The following PCNX2 variants were observed in gnomAD, a reference collection of about 807,000 sequenced individuals.
PCNX2 encodes pecanex-like protein 2.
Under a neutral mutation model 223.8 loss-of-function variants are expected in PCNX2, and 168 were observed. The ratio of observed to expected loss-of-function variants is 0.75; its 90% CI spans 0.66 to 0.85. The LOEUF (loss-of-function observed/expected upper bound fraction) is 0.85, where lower values mean the gene tolerates loss of function less well. Among genes scored for constraint, PCNX2 ranks in the 40% least tolerant of loss-of-function variants. The probability of loss-of-function intolerance (pLI) is 0.00; values close to 1 mark genes in which losing one functional copy is unlikely to be tolerated. For missense variants in PCNX2, 2,507 were observed against 2,675.5 expected, an observed-to-expected ratio of 0.94 and a Z score of 1.39; for synonymous variants, 1,006 against 1,052.6, an observed-to-expected ratio of 0.96 and a Z score of 0.86.
chr1:233,165,989 AT>A (rs1678770308), intron 17 of PCNX2, among the ~76,000 whole-genome samples: 1 of 152,114 alleles, frequency 6.6e-6, no homozygotes, highest in African/African-American at 2.4e-5. Context: ...TAACTATGGT[AT>A]TGATGGTATT....
rs1679141786 is a variant in PCNX2, at chr1:233,171,328, T to C, written c.3273+6474A>G. Among the ~76,000 whole-genome samples, 3 of 152,064 alleles carry C rather than the reference T, an allele frequency of 2.0e-5. No individual in the cohort carries two copies. The South Asian group carries it at 6.2e-4, about 32-fold the overall frequency. On this transcript the variant is annotated intron_variant, in intron 17 of 33. Coordinates refer to ENST00000258229, the MANE Select transcript of PCNX2 (RefSeq NM_014801.4). ...TTAAATCTTTTTTTTTCTCCTCAAA[T>C]TACTTTTAACACAAGGTCACTTTCT...
At chr1:233,159,049 T>C (rs543098438) in intron 19 of PCNX2, among the ~76,000 whole-genome samples, 1 of 152,338 alleles carries the variant, frequency 6.6e-6, no homozygotes, top group Admixed American at 6.5e-5. Flanking sequence ...CACGGAATTG[T>C]ACAGAACGTT....
At chr1:233,231,211 C>T (rs1658039952) in intron 9 of PCNX2, among the ~76,000 whole-genome samples, 2 of 152,036 alleles carry the variant, frequency 1.3e-5, no homozygotes, top group South Asian at 4.1e-4. Context: ...ACACATCAAG[C>T]AGTGCTCATC....
chr1:233,217,100 T>C (rs1041667403), intron 12 of PCNX2, among the ~76,000 whole-genome samples: 1 of 152,036 alleles, frequency 6.6e-6, no homozygotes, highest in East Asian at 1.9e-4. Context: ...GGGTACAAAG[T>C]TTCAGCTGGA....
chr1:233,073,680 A>G (rs945530749), intron 23 of PCNX2, among the ~76,000 whole-genome samples: 75 of 152,046 alleles, frequency 4.9e-4, no homozygotes, highest in African/African-American at 1.7e-3. Context: ...TGGTGTGATC[A>G]TAGCTCACTG....
intron 23 of PCNX2, among the ~76,000 whole-genome samples, chr1:233,066,260 T>G (rs1364040008): frequency 6.6e-6 from 1 of 152,214 alleles, no homozygotes; most frequent in Non-Finnish European, 1.5e-5. Context: ...GTCACACATC[T>G]CTGACCAGCT....
intron 13 of PCNX2, 119 bp from the exon 14 acceptor site, chr1:233,200,383 C>CTTTTTTT (rs1011802481): frequency 5.3e-4 from 111 of 210,936 alleles, no homozygotes; most frequent in South Asian, 1.4e-3. Context: ...TGGAGGCAAT[C>CTTTTTTT]TTTTTTTTTT....
chr1:232,996,644 C>T (rs1334604847), intron 32 of PCNX2, among the ~76,000 whole-genome samples: 1 of 152,140 alleles, frequency 6.6e-6, no homozygotes, highest in Non-Finnish European at 1.5e-5. Context: ...CCCTATCTAC[C>T]TATCTAGCAT....
At chr1:233,146,140 C>T (rs1302685130) in intron 19 of PCNX2, among the ~76,000 whole-genome samples, 1 of 152,202 alleles carries the variant, frequency 6.6e-6, no homozygotes, top group Non-Finnish European at 1.5e-5. Context: ...TATTCCTTCA[C>T]GCCATCACTG....
At chr1:233,114,265 A>C (rs1311961975) in intron 21 of PCNX2, among the ~76,000 whole-genome samples, 2 of 152,200 alleles carry the variant, frequency 1.3e-5, no homozygotes, top group African/African-American at 4.8e-5. Flanking sequence ...AGGCTCAAAA[A>C]AGGATCGAGT....
chr1:233,241,081 T>A, intron 8 of PCNX2: 1 of 771,486 alleles, frequency 1.3e-6, no homozygotes, highest in Non-Finnish European at 1.6e-6. Context: ...CAGCAACATG[T>A]TCAACATGTA....
intron 9 of PCNX2, among the ~76,000 whole-genome samples, chr1:233,233,179 T>C (rs1349828276): frequency 6.6e-6 from 1 of 152,210 alleles, no homozygotes; most frequent in Non-Finnish European, 1.5e-5. Context: ...GTAATGAGTC[T>C]ACAGAATATA....
Position 233,014,669 on chromosome 1 carries a change from T to C in PCNX2, c.4948A>G (p.Ile1650Val), listed in dbSNP as rs1469812148. ...ALGTAAHNMAISLDSFLYGLH... is the reference protein window; with the variant it reads ...ALGTAAHNMAVSLDSFLYGLH... ...CTAACTTCTCCCCCCAGGTACCTGA[T>C]GGCCATATTGTGAGCGGCTGTTCCC... is the stretch of plus-strand genomic sequence containing the variant. The change falls in exon 28 of 34, where the codon ATC becomes GTC. Residue 1650 changes from isoleucine to valine, a missense_variant. Around this residue, in one of 3 missense-constraint regions of PCNX2, gnomAD observed 1,372 missense variants for 1,509.4 expected, o/e 0.91. Coordinates refer to ENST00000258229, the MANE Select transcript of PCNX2 (RefSeq NM_014801.4). The C allele has an allele frequency of 4.3e-6, 7 of 1,613,618 alleles. No individual in the cohort carries two copies. The highest frequency in any genetic ancestry group is 5.9e-6 in the Non-Finnish European group (7 of 1,179,600).
At chr1:233,017,771 A>G (rs1670736805) in intron 26 of PCNX2, among the ~76,000 whole-genome samples, 1 of 152,158 alleles carries the variant, frequency 6.6e-6, no homozygotes, top group African/African-American at 2.4e-5. Flanking sequence ...TATCTTAGGG[A>G]AGAGGAAAGT....
chr1:233,205,955 T>TA (rs1008966088), intron 13 of PCNX2, among the ~76,000 whole-genome samples: 18 of 152,068 alleles, frequency 1.2e-4, no homozygotes, highest in African/African-American at 3.9e-4. Context: ...AGTGAGAGGA[T>TA]AGACAATGGG....
chr1:233,109,432 G>A (rs934482453), intron 21 of PCNX2, among the ~76,000 whole-genome samples: 14 of 152,192 alleles, frequency 9.2e-5, no homozygotes, highest in African/African-American at 2.9e-4. Flanking sequence ...GGAAAACAAC[G>A]CCGGATGAAA....
rs970388701 is a variant in PCNX2 at position 232,991,456 on chromosome 1, C to T, written c.5792-4916G>A. 3.3e-5 allele frequency among the ~76,000 whole-genome samples: 5 copies of T among 151,958 alleles called. No homozygotes were observed. Among genetic ancestry groups the T allele is most frequent in the Non-Finnish European group, 5.9e-5 (4 of 67,952 alleles). ...GGGGGAGGGGTGCTCATGGGATGCG[C>T]GTGGGTGTTCCGGGCTGAATCATGT... On this transcript the variant is annotated intron_variant, in intron 32 of 33. Coordinates refer to ENST00000258229, the MANE Select transcript of PCNX2 (RefSeq NM_014801.4). This position sits in a 1 kb window ranked among gnomAD's most constrained non-coding sequence, Gnocchi z 4.3.
chr1:233,276,496 C>T (rs1286296151), intron 1 of PCNX2, among the ~76,000 whole-genome samples: 1 of 152,164 alleles, frequency 6.6e-6, no homozygotes, highest in African/African-American at 2.4e-5. Context: ...TACATCTTAT[C>T]ACAATTCTTA....
At chr1:233,066,490 T>G (rs976627078) in intron 23 of PCNX2, among the ~76,000 whole-genome samples, 17 of 152,228 alleles carry the variant, frequency 1.1e-4, no homozygotes, top group Admixed American at 9.2e-4. Flanking sequence ...AAGCTGCCTG[T>G]GGTATGCCTA....
Sources: gnomAD v4.1 joint callset for allele counts (sites outside exome capture counted in the v4.1 genomes callset) on GRCh38, gnomAD v4.1.1 for gene constraint, gnomAD v4.1.1 regional missense constraint, Gnocchi (gnomAD v3.1) non-coding constraint, MANE v1.5 for transcripts, NCBI Gene and HGNC (gene_info 2026-07-23, HGNC 2026-07-21) for gene names.